ACTB: variants seen among roughly 807,000 people sequenced by gnomAD.
ACTB encodes actin beta.
ACTB carries 2 observed loss-of-function variants against 30.5 expected under a neutral mutation model. That is an observed-to-expected ratio of 0.07 (90% CI 0.03 to 0.21). The LOEUF is 0.21. Among genes scored for constraint, ACTB ranks in the 10% least tolerant of loss-of-function variants. The probability of loss-of-function intolerance (pLI) is 1.00; values close to 1 mark genes in which losing one functional copy is unlikely to be tolerated. For synonymous variants in ACTB, 335 were observed against 217.6 expected (o/e 1.54, Z -4.75); for missense variants, 56 against 530.0 (o/e 0.11, Z 8.78).
intron 3 of ACTB, 173 bp downstream of exon 3, chr7:5,528,988 A>G (rs1351796521): frequency 1.3e-6 from 2 of 1,589,490 alleles, no homozygotes; most frequent in East Asian, 4.5e-5. Flanking sequence ...ACACCAGAAA[A>G]AGAGCTCATC....
At chr7:5,527,977 G>A (rs763891719) in intron 5 of ACTB, 27 bp downstream of exon 5, 3 of 1,613,234 alleles carry the variant, frequency 1.9e-6, no homozygotes, top group Non-Finnish European at 2.5e-6. Context: ...ACCTGCCCAG[G>A]TCAGCTCAGG....
chr7:5,529,387 C>T lies in ACTB; in HGVS notation c.137G>A (p.Gly46Asp). Residue 46 changes from glycine to aspartate, a missense_variant, in exon 3 of 6, where the codon GGC (glycine) becomes GAC (aspartate). Physicochemically the swap from Gly to Asp is moderately conservative, Grantham distance 94. Transcript: ENST00000646664. Reference sequence around the variant, plus strand: ...CACATAGGAATCCTTCTGACCCATGCCCACCATCACGCCCTGGGAAGGAAA... The same window carrying T: ...CACATAGGAATCCTTCTGACCCATGTCCACCATCACGCCCTGGGAAGGAAA... ...GRPRHQGVMV[G>D]MGQKDSYVGD... is the part of the protein sequence containing the mutation. 6.2e-7 allele frequency: 1 copy of T among 1,613,928 alleles called. No individual in the cohort carries two copies. The highest frequency in any genetic ancestry group is 2.2e-5 in the East Asian group (1 of 44,894).
At position 5,530,560 on chromosome 7, in the gene ACTB, G is replaced by A. The variant is rs575526954; in HGVS notation, c.-43C>T. ...TGTGGACGGGCGGCGGATCGGCAAA[G>A]GCGAGGCTCTGTGCTCGCGGGGCGG... On this transcript the variant is annotated 5_prime_UTR_variant, in exon 1 of 6. Transcript: ENST00000646664. 1 of 152,576 alleles carries A rather than the reference G, an allele frequency of 6.6e-6. No homozygotes were observed. Among genetic ancestry groups the A allele is most frequent in the East Asian group, 1.9e-4 (1 of 5,178 alleles). 9.5% of individuals were successfully genotyped at this position (152,576 alleles called of 1,614,324 possible).
At position 5,529,416 on chromosome 7, in the gene ACTB, CAAG is replaced by C. The variant is rs768341964; in HGVS notation, c.124-19_124-17del. ...CCATCACGCCCTGGGAAGGAAAGGA[CAAG>C]AAGCCCTGAGCACGGGCGCAGCCCC... On this transcript the variant is annotated splice_polypyrimidine_tract_variant and intron_variant, in intron 2 of 5. Transcript: ENST00000646664. 4 of 1,613,866 alleles carry C rather than the reference CAAG, an allele frequency of 2.5e-6. No individual in the cohort carries two copies. The highest frequency in any genetic ancestry group is 3.4e-6 in the Non-Finnish European group (4 of 1,179,994).
intron 1 of ACTB, 68 bp from the exon 2 acceptor site, chr7:5,529,731 G>A (rs1784843962): frequency 2.5e-6 from 4 of 1,606,602 alleles, no homozygotes; most frequent in Non-Finnish European, 2.5e-6. Flanking sequence ...GGCGCGCCGA[G>A]TCCTTAGGCC....
Position 5,528,807 on chromosome 7 carries a change from C to A in ACTB, c.364-88G>T. On this transcript the variant is annotated intron_variant, in intron 3 of 5. Coordinates refer to ENST00000646664, the MANE Select transcript of ACTB (RefSeq NM_001101.5). The stretch of plus-strand genomic sequence containing the variant: ...GGGGACATGCAGAAAGTGCAAAGAA[C>A]ACGGCTAAGTGTGCTGGGGTCTTGG... 5.9e-6 allele frequency: 9 copies of A among 1,520,866 alleles called. No homozygotes were observed. The South Asian group carries it at 9.0e-5, about 15-fold the overall frequency. The allele number at this position is 1,520,866 out of a possible 1,614,324, so 94.2% of individuals were successfully genotyped here.
At position 5,530,576 on chromosome 7, in the gene ACTB, C is replaced by T. The variant is rs1299809373; in HGVS notation, c.-59G>A. On this transcript the variant is annotated 5_prime_UTR_variant, in exon 1 of 6. Transcript: ENST00000646664. ...ATCGGCAAAGGCGAGGCTCTGTGCT[C>T]GCGGGGCGGACGCGGTCTCGGCGGT... The T allele has an allele frequency of 1.3e-5, 2 of 152,310 alleles. No homozygotes were observed. Among genetic ancestry groups the T allele is most frequent in the Middle Eastern group, 3.2e-3 (1 of 314 alleles). The allele number at this position is 152,310 out of a possible 1,614,324, so 9.4% of individuals were successfully genotyped here.
Position 5,527,627 on chromosome 7 carries a change from A to C in ACTB, c.*121T>G. The C allele has an allele frequency of 6.7e-7, 1 of 1,486,328 alleles. No individual in the cohort carries two copies. Among genetic ancestry groups the C allele is most frequent in the Non-Finnish European group, 9.2e-7 (1 of 1,088,750 alleles). The allele number at this position is 1,486,328 out of a possible 1,614,324, so 92.1% of individuals were successfully genotyped here. A position where few individuals can be genotyped will look rare whatever the true frequency, so the allele number is the denominator to read the frequency against. On this transcript the variant is annotated 3_prime_UTR_variant, in exon 6 of 6. Coordinates refer to ENST00000646664, the MANE Select transcript of ACTB (RefSeq NM_001101.5). The stretch of plus-strand genomic sequence containing the variant: ...TTTTTAAATCCTGAGTCAAGCCAAA[A>C]AAAAAAAAAAAACCAAAACAAAACA...
In ACTB at chr7:5,528,763, G is replaced by A. The variant is rs13447403; in HGVS notation, c.364-44C>T. The stretch of plus-strand genomic sequence containing the variant: ...CCATGTCACACTGGGGAAGCCACTG[G>A]GGACAGCCAGGCCAGACGGGGGACA... On this transcript the variant is annotated intron_variant, in intron 3 of 5. Coordinates refer to ENST00000646664, the MANE Select transcript of ACTB (RefSeq NM_001101.5). The A allele has an allele frequency of 2.8e-4, 453 of 1,601,180 alleles. 4 individuals carry two copies. In the Admixed American group the frequency reaches 7.4e-3, roughly 26 times the overall value.
chr7:5,529,936 C>G (rs1015906820), intron 1 of ACTB: 1 of 362,688 alleles, frequency 2.8e-6, no homozygotes. Context: ...CGCGCGCGCA[C>G]GCAGCGGCCA....
chr7:5,527,361 C>T lies in ACTB; in HGVS notation c.*387G>A, dbSNP rs1174797620. On this transcript the variant is annotated 3_prime_UTR_variant, in exon 6 of 6. Transcript: ENST00000646664. ...CGAAGATTAAAAAAATTTTGCATTA[C>T]ATAATTTACACGAAAGCAATGCTAT... 1 of 279,310 alleles carries T rather than the reference C, an allele frequency of 3.6e-6. No individual in the cohort carries two copies. Among genetic ancestry groups the T allele is most frequent in the Non-Finnish European group, 7.0e-6 (1 of 143,864 alleles). The allele number at this position is 279,310 out of a possible 1,614,324, so 17.3% of individuals were successfully genotyped here. A position where few individuals can be genotyped will look rare whatever the true frequency, so the allele number is the denominator to read the frequency against.
In ACTB at chr7:5,527,900, G is replaced by A. The variant is rs138910287; in HGVS notation, c.985-9C>T. On this transcript the variant is annotated splice_polypyrimidine_tract_variant and intron_variant, in intron 5 of 5. Coordinates refer to ENST00000646664, the MANE Select transcript of ACTB (RefSeq NM_001101.5). ...TCAGGAGGAGCAATGATCTGAGGAG[G>A]GAAGGGGACAGGCAGTGAGGACCCT... The A allele has an allele frequency of 4.5e-5, 72 of 1,612,984 alleles. No homozygotes were observed. In the East Asian group the frequency reaches 1.0e-3, roughly 23 times the overall value.
chr7:5,529,370 A>T lies in ACTB; in HGVS notation c.154T>A (p.Ser52Thr). ...CTCTGGGCCTCGTCGCCCACATAGG[A>T]ATCCTTCTGACCCATGCCCACCATC... ...GVMVGMGQKD[S>T]YVGDEAQSKR... The change falls in exon 3 of 6, where the codon TCC becomes ACC. Residue 52 changes from serine to threonine, a missense_variant. Ser to Thr is a moderately conservative substitution (Grantham distance 58, BLOSUM62 1). Transcript: ENST00000646664. 1 of 1,614,048 alleles carries T rather than the reference A, an allele frequency of 6.2e-7. No individual in the cohort carries two copies. The highest frequency in any genetic ancestry group is 8.5e-7 in the Non-Finnish European group (1 of 1,180,032).
At chr7:5,529,822 T>C (rs1463157527) in intron 1 of ACTB, 159 bp from the exon 2 acceptor site, 5 of 1,207,590 alleles carry the variant, frequency 4.1e-6, no homozygotes, top group Non-Finnish European at 6.0e-6. Flanking sequence ...AGGCAAACAC[T>C]GGTCGGAGGC....
chr7:5,530,405 G>C (rs1784867874), intron 1 of ACTB, 119 bp downstream of exon 1: 1 of 151,998 alleles, frequency 6.6e-6, no homozygotes, highest in Admixed American at 6.6e-5. Flanking sequence ...CGGCGGTCCG[G>C]TTCCCCCCCC....
intron 5 of ACTB, 45 bp from the exon 6 acceptor site, chr7:5,527,936 G>C (rs779955058): frequency 3.1e-6 from 5 of 1,613,084 alleles, no homozygotes; most frequent in Non-Finnish European, 4.2e-6. Flanking sequence ...GGATGTGACA[G>C]CTCCCCACAC....
At position 5,529,882 on chromosome 7, in the gene ACTB, G is replaced by A. The variant is rs1222445995; in HGVS notation, c.-6-219C>T. On this transcript the variant is annotated intron_variant, in intron 1 of 5. Transcript: ENST00000646664. ...CCAGGCCCCAACCCCCTCCCAACCG[G>A]GCGCCAGCCCCGCCTCCGCCCGGTT... 4 of 739,138 alleles carry A rather than the reference G, an allele frequency of 5.4e-6. No homozygotes were observed. In the East Asian group the frequency reaches 1.0e-4, roughly 19 times the overall value. The allele number at this position is 739,138 out of a possible 1,614,324, so 45.8% of individuals were successfully genotyped here. A position where few individuals can be genotyped will look rare whatever the true frequency, so the allele number is the denominator to read the frequency against.
rs751359436 is a variant in ACTB at position 5,528,722 on chromosome 7, G to GTT, written c.364-4_364-3insAA. The GTT allele has an allele frequency of 1.2e-6, 2 of 1,613,424 alleles. No individual in the cohort carries two copies. The highest frequency in any genetic ancestry group is 4.5e-5 in the East Asian group (2 of 44,902). ...GTGTTGAAGGTCTCAAACATGATCT[G>GTT]TAAGGCAGAGATACACCATGTCACA... is the stretch of plus-strand genomic sequence containing the variant. On this transcript the variant is annotated splice_polypyrimidine_tract_variant and splice_region_variant and intron_variant, in intron 3 of 5. Coordinates refer to ENST00000646664, the MANE Select transcript of ACTB (RefSeq NM_001101.5).
In ACTB at chr7:5,527,406, T is replaced by A; in HGVS notation, c.*342A>T. The A allele has an allele frequency of 2.4e-6, 1 of 415,084 alleles. No individual in the cohort carries two copies. Among genetic ancestry groups the A allele is most frequent in the Non-Finnish European group, 4.4e-6 (1 of 225,070 alleles). 25.7% of individuals were successfully genotyped at this position (415,084 alleles called of 1,614,324 possible). ...TGCTATCACCTCCCCTGTGTGGACT[T>A]GGGAGAGGACTGGGCCATTCTCCTT... On this transcript the variant is annotated 3_prime_UTR_variant, in exon 6 of 6. Transcript: ENST00000646664.
Sources: gnomAD v4.1 joint callset for allele counts on GRCh38, gnomAD v4.1.1 for gene constraint, MANE v1.5 for transcripts, NCBI Gene and HGNC (gene_info 2026-07-23, HGNC 2026-07-21) for gene names.